The following SMYD3 variants were observed in gnomAD, a reference collection of about 807,000 sequenced individuals.
SMYD3 encodes the protein histone-lysine N-methyltransferase SMYD3.
SMYD3 carries 36 observed loss-of-function variants against 57.7 expected under a neutral mutation model. The ratio of observed to expected loss-of-function variants is 0.62; its 90% CI spans 0.48 to 0.82. SMYD3 has a LOEUF of 0.82. Ranked by LOEUF, SMYD3 falls within the 40% of genes least tolerant of loss-of-function variation. SMYD3 has a pLI of 0.00. For synonymous variants in SMYD3, 211 were observed against 195.0 expected, an observed-to-expected ratio of 1.08 and a Z score of -0.68; for missense variants, 515 against 538.8, an observed-to-expected ratio of 0.96 and a Z score of 0.44.
At chr1:246,329,563 T>C (rs2065424142) in intron 4 of SMYD3, among the ~76,000 whole-genome samples, 1 of 152,200 alleles carries the variant, frequency 6.6e-6, no homozygotes, top group Non-Finnish European at 1.5e-5. Flanking sequence ...GTTAATTTGT[T>C]TGAGTTCATT....
chr1:245,825,603 T>C (rs1165097225), intron 10 of SMYD3, among the ~76,000 whole-genome samples: 2 of 152,174 alleles, frequency 1.3e-5, no homozygotes, highest in Non-Finnish European at 2.9e-5. Context: ...TCTGTTCAGC[T>C]TTTAAAAATG....
chr1:246,098,300 A>G (rs909075966), intron 5 of SMYD3, among the ~76,000 whole-genome samples: 1 of 152,182 alleles, frequency 6.6e-6, no homozygotes, highest in Non-Finnish European at 1.5e-5. Flanking sequence ...CTGTCAATCT[A>G]AGAAAGTCCT....
chr1:246,226,895 A>G (rs562903100), intron 5 of SMYD3, among the ~76,000 whole-genome samples: 10 of 152,292 alleles, frequency 6.6e-5, no homozygotes, highest in African/African-American at 1.4e-4. Flanking sequence ...GCTCAAGAAG[A>G]CCTTATAAAT....
At chr1:246,274,689 C>A (rs1455300586) in intron 5 of SMYD3, among the ~76,000 whole-genome samples, 1 of 152,124 alleles carries the variant, frequency 6.6e-6, no homozygotes, top group African/African-American at 2.4e-5. Context: ...CTAACAGACA[C>A]AGGCCGTCCG....
At chr1:246,272,243 TCTTC>T (rs1421350999) in intron 5 of SMYD3, among the ~76,000 whole-genome samples, 7 of 152,342 alleles carry the variant, frequency 4.6e-5, no homozygotes, top group Admixed American at 1.3e-4. Context: ...TAATTTTACC[TCTTC>T]CTTTCCAATT....
chr1:246,433,061 C>T (rs1002183733), intron 1 of SMYD3, among the ~76,000 whole-genome samples: 30 of 152,090 alleles, frequency 2.0e-4, no homozygotes, highest in Admixed American at 1.6e-3. Flanking sequence ...GATTCTATAC[C>T]TATAAAACCC....
chr1:246,037,491 T>G (rs1411216904), intron 5 of SMYD3, among the ~76,000 whole-genome samples: 3 of 152,204 alleles, frequency 2.0e-5, no homozygotes, highest in Non-Finnish European at 4.4e-5. Context: ...GAAGGAGAGA[T>G]ATCTTTCCCA....
chr1:246,113,156 T>C (rs898157431), intron 5 of SMYD3, among the ~76,000 whole-genome samples: 2 of 151,568 alleles, frequency 1.3e-5, no homozygotes, highest in Non-Finnish European at 2.9e-5. Flanking sequence ...CCCTCCAGCC[T>C]GGGCAACAGA....
At chr1:246,224,106 G>T (rs1319123429) in intron 5 of SMYD3, among the ~76,000 whole-genome samples, 1 of 152,070 alleles carries the variant, frequency 6.6e-6, no homozygotes, top group Non-Finnish European at 1.5e-5. Flanking sequence ...CTACCAGAGA[G>T]AACAAGACTG....
At chr1:246,146,149 G>A (rs2061839439) in intron 5 of SMYD3, among the ~76,000 whole-genome samples, 1 of 152,196 alleles carries the variant, frequency 6.6e-6, no homozygotes, top group African/African-American at 2.4e-5. Context: ...GGCAAGACAA[G>A]AAAGCATGCC....
At chr1:246,454,180 T>C (rs1029619001) in intron 1 of SMYD3, among the ~76,000 whole-genome samples, 7 of 152,192 alleles carry the variant, frequency 4.6e-5, no homozygotes, top group Non-Finnish European at 1.0e-4. Context: ...GGGATAGGTG[T>C]GCATCCATAA....
chr1:246,414,803 T>C lies in SMYD3; in HGVS notation c.165-59709A>G, dbSNP rs138708250. ...CATGCTATCGGCTCACAGCAACCTC[T>C]GCCTCCTGAGTTCAAGTGATTCTCC... is the stretch of plus-strand genomic sequence containing the variant. On this transcript the variant is annotated intron_variant, in intron 1 of 11. Coordinates refer to ENST00000490107, the MANE Select transcript of SMYD3 (RefSeq NM_001167740.2). Among the ~76,000 whole-genome samples, 449 of 148,254 alleles carry C rather than the reference T, an allele frequency of 3.0e-3. 1 individual carries two copies. Among genetic ancestry groups the C allele is most frequent in the African/African-American group, 9.5e-3 (380 of 40,176 alleles).
At chr1:245,857,396 G>A (rs1281305901) in intron 10 of SMYD3, among the ~76,000 whole-genome samples, 1 of 90,852 alleles carries the variant, frequency 1.1e-5, no homozygotes, top group Non-Finnish European at 3.1e-5. Flanking sequence ...ACTCACTTCT[G>A]TTCTTATGTT....
chr1:246,023,472 A>C (rs1277743424), intron 5 of SMYD3, among the ~76,000 whole-genome samples: 2 of 152,106 alleles, frequency 1.3e-5, no homozygotes, highest in African/African-American at 4.8e-5. Flanking sequence ...CATTTCCCCC[A>C]CAGTTTTCAG....
At chr1:245,903,686 T>C (rs569323581) in intron 8 of SMYD3, among the ~76,000 whole-genome samples, 1 of 152,168 alleles carries the variant, frequency 6.6e-6, no homozygotes, top group Non-Finnish European at 1.5e-5. Flanking sequence ...AGGGATGATA[T>C]AGTTTGGCTC....
chr1:246,404,680 G>C (rs10754516), intron 1 of SMYD3, among the ~76,000 whole-genome samples: 1 of 152,048 alleles, frequency 6.6e-6, no homozygotes, highest in East Asian at 1.9e-4. Flanking sequence ...CCCTCTTTAC[G>C]TGATCTAGAC....
intron 5 of SMYD3, among the ~76,000 whole-genome samples, chr1:246,056,457 T>A (rs1198933287): frequency 2.0e-5 from 3 of 152,158 alleles, no homozygotes; most frequent in Non-Finnish European, 4.4e-5. Flanking sequence ...AAGTTTGGTA[T>A]GAAGTCGTTT....
chr1:245,797,245 G>C (rs533471844), intron 10 of SMYD3, among the ~76,000 whole-genome samples: 23 of 152,250 alleles, frequency 1.5e-4, no homozygotes, highest in African/African-American at 4.8e-4. Context: ...TATTGCAGCA[G>C]TACTCACAAT....
chr1:245,816,781 G>C (rs945473397), intron 10 of SMYD3, among the ~76,000 whole-genome samples: 1 of 151,898 alleles, frequency 6.6e-6, no homozygotes, highest in Non-Finnish European at 1.5e-5. Context: ...CAAAGAAAGG[G>C]GTGACGGACG....
Sources: allele counts gnomAD v4.1 joint callset (sites outside exome capture counted in the v4.1 genomes callset), GRCh38; gene constraint gnomAD v4.1.1; transcripts MANE v1.5; gene names NCBI Gene and HGNC (gene_info 2026-07-23, HGNC 2026-07-21).